PDZRN4: variants seen among roughly 807,000 people sequenced by gnomAD.
PDZRN4 encodes PDZ domain-containing RING finger protein 4.
In PDZRN4, 70 loss-of-function variants were observed where a neutral mutation model predicts 99.0. The observed-to-expected ratio is 0.71, with a 90% CI of 0.58 to 0.86. The LOEUF (loss-of-function observed/expected upper bound fraction) is 0.86. Among genes scored for constraint, PDZRN4 ranks in the 40% least tolerant of loss-of-function variants. The pLI is 0.00. For synonymous variants in PDZRN4, 551 were observed against 501.6 expected (o/e 1.10, Z -1.32); for missense variants, 1,474 against 1,331.2 (o/e 1.11, Z -1.67).
chr12:41,419,828 T>C (rs1240687480), intron 3 of PDZRN4, among the ~76,000 whole-genome samples: 1 of 152,158 alleles, frequency 6.6e-6, no homozygotes, highest in Non-Finnish European at 1.5e-5. Flanking sequence ...GACGCCTTAT[T>C]GGTAATATTT....
chr12:41,490,075 T>G (rs1937854266), intron 3 of PDZRN4, among the ~76,000 whole-genome samples: 1 of 152,142 alleles, frequency 6.6e-6, no homozygotes, highest in Non-Finnish European at 1.5e-5. Context: ...AAAAATCAAT[T>G]AAACCAATAT....
chr12:41,201,357 C>T (rs1950815188), intron 3 of PDZRN4, among the ~76,000 whole-genome samples: 1 of 152,044 alleles, frequency 6.6e-6, no homozygotes, highest in Admixed American at 6.6e-5. Flanking sequence ...CTAAGCAATA[C>T]TATCTTTTCT....
intron 3 of PDZRN4, among the ~76,000 whole-genome samples, chr12:41,280,376 CCCT>C (rs1288649758): frequency 6.6e-6 from 1 of 152,094 alleles, no homozygotes; most frequent in East Asian, 1.9e-4. Context: ...CCGTTTACTC[CCCT>C]GGAAAGGGAG....
intron 3 of PDZRN4, among the ~76,000 whole-genome samples, chr12:41,222,414 C>T (rs1485661985): frequency 1.3e-5 from 2 of 152,182 alleles, no homozygotes; most frequent in Non-Finnish European, 2.9e-5. Context: ...CTGCTGTACT[C>T]GGTCACACAG....
At chr12:41,286,645 G>A (rs569559868) in intron 3 of PDZRN4, among the ~76,000 whole-genome samples, 1 of 152,178 alleles carries the variant, frequency 6.6e-6, no homozygotes, top group South Asian at 2.1e-4. Flanking sequence ...GTCTCGATGT[G>A]TAAATGGATG....
At chr12:41,240,483 C>T (rs533219567) in intron 3 of PDZRN4, among the ~76,000 whole-genome samples, 36 of 152,312 alleles carry the variant, frequency 2.4e-4, no homozygotes, top group Non-Finnish European at 4.0e-4. Flanking sequence ...TTTGTGTCTG[C>T]TTTTGGCTGC....
At chr12:41,196,811 T>C (rs1002576621) in intron 3 of PDZRN4, among the ~76,000 whole-genome samples, 1 of 152,088 alleles carries the variant, frequency 6.6e-6, no homozygotes, top group African/African-American at 2.4e-5. Context: ...TTAAAACAGA[T>C]TTTTAAAGTA....
At chr12:41,204,391 A>G (rs1950835002) in intron 3 of PDZRN4, among the ~76,000 whole-genome samples, 1 of 151,994 alleles carries the variant, frequency 6.6e-6, no homozygotes, top group South Asian at 2.1e-4. Flanking sequence ...GTGTTCAAGC[A>G]TTGTTTTCTA....
chr12:41,351,744 G>A (rs2121040554), intron 3 of PDZRN4, among the ~76,000 whole-genome samples: 1 of 152,056 alleles, frequency 6.6e-6, no homozygotes, highest in Middle Eastern at 3.4e-3. Context: ...ATTTGGGTGG[G>A]GACACAGAGC....
intron 3 of PDZRN4, among the ~76,000 whole-genome samples, chr12:41,401,521 C>T (rs757813188): frequency 7.9e-5 from 12 of 152,254 alleles, no homozygotes; most frequent in Non-Finnish European, 1.6e-4. Flanking sequence ...TCAGAATCTT[C>T]CTCAGTTTCT....
In PDZRN4 at chr12:41,332,630, T is replaced by C. The variant is rs186931018; in HGVS notation, c.843+138442T>C. On this transcript the variant is annotated intron_variant, in intron 3 of 9. Coordinates refer to ENST00000402685, the MANE Select transcript of PDZRN4 (RefSeq NM_001164595.2). The stretch of plus-strand genomic sequence containing the variant: ...CTGAAGTTTGTGTGGTAAGGAAGAG[T>C]GGGTCCAAAGCAGAACTCATTTGTG... Among the ~76,000 whole-genome samples, 374 of 149,346 alleles carry C rather than the reference T, an allele frequency of 2.5e-3. 2 individuals carry two copies. Among genetic ancestry groups the C allele is most frequent in the African/African-American group, 8.7e-3 (353 of 40,414 alleles).
At chr12:41,496,253 A>G (rs1938001114) in intron 3 of PDZRN4, among the ~76,000 whole-genome samples, 1 of 152,116 alleles carries the variant, frequency 6.6e-6, no homozygotes, top group African/African-American at 2.4e-5. Flanking sequence ...CAGGAATGTA[A>G]CGTGTATCCC....
At chr12:41,540,695 A>G (rs1261798413) in intron 5 of PDZRN4, among the ~76,000 whole-genome samples, 1 of 152,166 alleles carries the variant, frequency 6.6e-6, no homozygotes, top group Non-Finnish European at 1.5e-5. Context: ...AACATGCCCC[A>G]GATTCTTTTC....
chr12:41,450,753 C>G (rs1237266703), intron 3 of PDZRN4, among the ~76,000 whole-genome samples: 5 of 152,100 alleles, frequency 3.3e-5, no homozygotes, highest in Non-Finnish European at 7.3e-5. Context: ...AAAACCATCT[C>G]TACTAAAAGT....
At chr12:41,457,028 G>A (rs915937181) in intron 3 of PDZRN4, among the ~76,000 whole-genome samples, 4 of 152,112 alleles carry the variant, frequency 2.6e-5, no homozygotes, top group African/African-American at 9.7e-5. Flanking sequence ...AAATACAGAT[G>A]AGCCTTTATC....
intron 3 of PDZRN4, among the ~76,000 whole-genome samples, chr12:41,240,463 TA>T (rs1452666873): frequency 6.6e-6 from 1 of 152,242 alleles, no homozygotes; most frequent in Non-Finnish European, 1.5e-5. Context: ...AAGAGGCATT[TA>T]ATGTATACTT....
intron 3 of PDZRN4, among the ~76,000 whole-genome samples, chr12:41,200,652 G>A (rs945947503): frequency 1.1e-4 from 17 of 152,074 alleles, no homozygotes; most frequent in South Asian, 2.1e-4. Flanking sequence ...AAATCTCATC[G>A]GAACACCTGT....
chr12:41,437,809 C>G, intron 3 of PDZRN4: 1 of 1,566,064 alleles, frequency 6.4e-7, no homozygotes, highest in Non-Finnish European at 8.6e-7. Flanking sequence ...CAGCTAACAG[C>G]GGTTTGTCTG....
intron 3 of PDZRN4, among the ~76,000 whole-genome samples, chr12:41,264,585 T>A (rs1021517921): frequency 3.9e-5 from 6 of 152,182 alleles, no homozygotes; most frequent in African/African-American, 1.4e-4. Context: ...TTTAGTTCTG[T>A]TTTTTCATTA....
Sources: gnomAD v4.1 joint callset for allele counts (sites outside exome capture counted in the v4.1 genomes callset) on GRCh38, gnomAD v4.1.1 for gene constraint, MANE v1.5 for transcripts, NCBI Gene and HGNC (gene_info 2026-07-23, HGNC 2026-07-21) for gene names.